TRPC7: variants seen among roughly 807,000 people sequenced by gnomAD.
TRPC7 encodes transient receptor potential cation channel subfamily C member 7.
TRPC7 carries 42 observed loss-of-function variants against 90.1 expected under a neutral mutation model. The ratio of observed to expected loss-of-function variants is 0.47; its 90% CI spans 0.36 to 0.60. TRPC7 has a LOEUF of 0.60. TRPC7 is among the 20% of genes least tolerant of loss of function. The pLI is 0.00. For synonymous variants in TRPC7, 451 were observed against 436.3 expected (o/e 1.03, Z -0.42); for missense variants, 955 against 1,112.3 (o/e 0.86, Z 2.01).
chr5:136,357,352 G>T lies in TRPC7; in HGVS notation c.36C>A (p.Arg12=). The change falls in exon 2 of 12, where the codon CGC becomes CGA. Residue 12 remains arginine (R), a synonymous_variant. Transcript: ENST00000513104. ...CCTTCTCCCTCAGCGTTGTGTGCCG[G>T]CGCTGCATGTTTTTGAAGGTGCTGT... ...LRNSTFKNMQ[R]RHTTLREKGR... 6.2e-7 allele frequency: 1 copy of T among 1,602,046 alleles called. No individual in the cohort carries two copies. Among genetic ancestry groups the T allele is most frequent in the East Asian group, 2.2e-5 (1 of 44,858 alleles).
chr5:136,287,854 C>G (rs1055964765), intron 3 of TRPC7, among the ~76,000 whole-genome samples: 1 of 151,990 alleles, frequency 6.6e-6, no homozygotes, highest in African/African-American at 2.4e-5. Flanking sequence ...CAAGAGCCCT[C>G]CTTTAGGTAC....
At chr5:136,313,405 ATCTATCTATCTATCTG>A in intron 3 of TRPC7, among the ~76,000 whole-genome samples, 1 of 149,980 alleles carries the variant, frequency 6.7e-6, no homozygotes, top group African/African-American at 2.5e-5. Context: ...CTATCTATCT[ATCTATCTATCTATCTG>A]TCTATCAAGT....
intron 2 of TRPC7, among the ~76,000 whole-genome samples, chr5:136,316,897 T>C (rs566790598): frequency 1.1e-4 from 16 of 152,222 alleles, no homozygotes; most frequent in Non-Finnish European, 1.9e-4. Flanking sequence ...AAGAGGACTG[T>C]GGTTGTGCTT....
chr5:136,231,317 T>A (rs767458952), intron 8 of TRPC7, 37 bp downstream of exon 8: 3 of 1,534,588 alleles, frequency 2.0e-6, no homozygotes, highest in Non-Finnish European at 2.7e-6. Flanking sequence ...GTAAATTAGA[T>A]GAAGGAGAGC....
At chr5:136,273,234 T>G (rs1757260559) in intron 4 of TRPC7, among the ~76,000 whole-genome samples, 1 of 152,208 alleles carries the variant, frequency 6.6e-6, no homozygotes. Flanking sequence ...CAGTACAGAC[T>G]GTGCCTAAAA....
intron 3 of TRPC7, among the ~76,000 whole-genome samples, chr5:136,298,657 C>A (rs1247660183): frequency 4.6e-5 from 7 of 152,066 alleles, no homozygotes. Context: ...GTACAAAAGG[C>A]CAACCCCCTT....
intron 4 of TRPC7, among the ~76,000 whole-genome samples, chr5:136,266,798 G>T (rs182411408): frequency 2.0e-5 from 3 of 152,198 alleles, no homozygotes; most frequent in Admixed American, 1.3e-4. Context: ...TTGAGTGCTC[G>T]GTTTTTGTTT....
At chr5:136,339,839 G>GCAACAACAA (rs10573372) in intron 2 of TRPC7, among the ~76,000 whole-genome samples, 2,603 of 138,192 alleles carry the variant, frequency 0.019, 72 homozygotes, top group African/African-American at 0.061. Context: ...TCTCTCTACT[G>GCAACAACAA]CAACAACAAC....
At chr5:136,273,579 C>T (rs563028571) in intron 4 of TRPC7, among the ~76,000 whole-genome samples, 2 of 152,320 alleles carry the variant, frequency 1.3e-5, no homozygotes, top group East Asian at 1.9e-4. Flanking sequence ...GCCTCACCAG[C>T]AGCCCCGAAG....
chr5:136,352,830 G>T (rs1253442506), intron 2 of TRPC7, among the ~76,000 whole-genome samples: 1 of 152,180 alleles, frequency 6.6e-6, no homozygotes, highest in Non-Finnish European at 1.5e-5. Context: ...GCTATTTAAT[G>T]TGTATGGACT....
chr5:136,237,614 C>A (rs1037359783), intron 7 of TRPC7, among the ~76,000 whole-genome samples: 2 of 152,162 alleles, frequency 1.3e-5, no homozygotes, highest in Admixed American at 6.5e-5. Flanking sequence ...GGCCAAATAG[C>A]CTCATCTCTC....
At chr5:136,263,324 T>G (rs1756918115) in intron 5 of TRPC7, among the ~76,000 whole-genome samples, 1 of 152,176 alleles carries the variant, frequency 6.6e-6, no homozygotes, top group Non-Finnish European at 1.5e-5. Context: ...TCATCACAAG[T>G]GGCATAACAG....
intron 6 of TRPC7, 81 bp downstream of exon 6, chr5:136,251,568 A>G: frequency 8.7e-7 from 1 of 1,153,424 alleles, no homozygotes. Flanking sequence ...ATAGCGTTAC[A>G]AGTTCACCAG....
intron 8 of TRPC7, among the ~76,000 whole-genome samples, chr5:136,227,989 C>T (rs1176908084): frequency 6.6e-6 from 1 of 152,170 alleles, no homozygotes; most frequent in African/African-American, 2.4e-5. Context: ...GATGGAGCAC[C>T]TGCTATGTAC....
chr5:136,295,923 T>C (rs1758153448), intron 3 of TRPC7, among the ~76,000 whole-genome samples: 1 of 152,244 alleles, frequency 6.6e-6, no homozygotes, highest in African/African-American at 2.4e-5. Context: ...TTTTAGCTAG[T>C]TCCCTTTCCT....
intron 3 of TRPC7, among the ~76,000 whole-genome samples, chr5:136,277,741 GTGT>G (rs1285868098): frequency 6.6e-6 from 1 of 152,192 alleles, no homozygotes; most frequent in African/African-American, 2.4e-5. Flanking sequence ...CAGAAAATTG[GTGT>G]TGTCTTGGGC....
chr5:136,341,678 G>A (rs1172615351), intron 2 of TRPC7, among the ~76,000 whole-genome samples: 1 of 152,168 alleles, frequency 6.6e-6, no homozygotes, highest in Non-Finnish European at 1.5e-5. Flanking sequence ...TTGAAAAGAA[G>A]ATGAATGATT....
chr5:136,213,276 G>T lies in TRPC7; in HGVS notation c.*159C>A. 1.4e-6 allele frequency: 1 copy of T among 736,308 alleles called. No homozygotes were observed. The highest frequency in any genetic ancestry group is 2.2e-6 in the Non-Finnish European group (1 of 452,070). The allele number at this position is 736,308 out of a possible 1,614,324, so 45.6% of individuals were successfully genotyped here. A position where few individuals can be genotyped will look rare whatever the true frequency, so the allele number is the denominator to read the frequency against. On this transcript the variant is annotated 3_prime_UTR_variant, in exon 12 of 12. Transcript: ENST00000513104. ...AGTTCTGGGTCTAGGCAGGCCAGCG[G>T]GCTGGAGATGTCAGTCATGCTGCAA... is the stretch of plus-strand genomic sequence containing the variant.
At chr5:136,313,451 A>C (rs990707480) in intron 3 of TRPC7, among the ~76,000 whole-genome samples, 2 of 152,178 alleles carry the variant, frequency 1.3e-5, no homozygotes, top group Non-Finnish European at 2.9e-5. Flanking sequence ...CAGTGCATTT[A>C]AGTAGGTCTT....
Sources: gnomAD v4.1 joint callset for allele counts (sites outside exome capture counted in the v4.1 genomes callset) on GRCh38, gnomAD v4.1.1 for gene constraint, MANE v1.5 for transcripts, NCBI Gene and HGNC (gene_info 2026-07-23, HGNC 2026-07-21) for gene names.